IQSEC1: variants seen among roughly 807,000 people sequenced by gnomAD.
IQSEC1 encodes the protein IQ motif and SEC7 domain-containing protein 1.
A neutral mutation model predicts 91.0 loss-of-function variants in IQSEC1; 31 were observed. That is an observed-to-expected ratio of 0.34 (90% CI 0.26 to 0.46). The LOEUF (loss-of-function observed/expected upper bound fraction) is 0.46, where lower values mean the gene tolerates loss of function less well. Among genes scored for constraint, IQSEC1 ranks in the 20% least tolerant of loss-of-function variants. The pLI, the probability that IQSEC1 is intolerant of heterozygous loss-of-function variation, is 1.00. For synonymous variants in IQSEC1, 699 were observed against 662.6 expected (o/e 1.05, Z -0.84); for missense variants, 1,388 against 1,575.6 (o/e 0.88, Z 2.02).
intron 1 of IQSEC1, among the ~76,000 whole-genome samples, chr3:13,227,392 A>AAAG (rs1694773598): frequency 6.7e-6 from 1 of 149,982 alleles, no homozygotes; most frequent in African/African-American, 2.5e-5. Context: ...AAAAAAAAAA[A>AAAG]AAAAGAAAGA....
intron 2 of IQSEC1, among the ~76,000 whole-genome samples, chr3:13,159,663 C>T (rs1239995731): frequency 6.6e-6 from 1 of 152,114 alleles, no homozygotes; most frequent in Non-Finnish European, 1.5e-5. Flanking sequence ...TAATAACTCT[C>T]TTACAAGGGT....
rs559572395 is a variant in IQSEC1, at chr3:13,134,962, C to A, written c.302+29142G>T. ...GTCCTACACTCTGCAAGGGGGATCA[C>A]CCCATGAGGACTGGGGAATCTGACC... On this transcript the variant is annotated intron_variant, in intron 2 of 15. Transcript: ENST00000648114. 3.9e-5 allele frequency among the ~76,000 whole-genome samples: 6 copies of A among 152,208 alleles called. No individual in the cohort carries two copies. The South Asian group carries it at 1.2e-3, about 32-fold the overall frequency.
rs184348429 is a variant in IQSEC1 at position 12,935,014 on chromosome 3, C to T, written c.1568+434G>A. On this transcript the variant is annotated intron_variant, in intron 3 of 13. Transcript: ENST00000613206. The surrounding 1 kb of genome is among the most constrained non-coding windows in gnomAD (Gnocchi z 8.0). Reference sequence around the variant, plus strand: ...CCCCACAAGACACAGCCCTGGGTCTCGCCTGTCTGCCCCTGCCCCCCACTG... The same window carrying T: ...CCCCACAAGACACAGCCCTGGGTCTTGCCTGTCTGCCCCTGCCCCCCACTG... 1.5e-3 allele frequency among the ~76,000 whole-genome samples: 228 copies of T among 152,216 alleles called. No individual in the cohort carries two copies. Among genetic ancestry groups the T allele is most frequent in the African/African-American group, 4.9e-3 (204 of 41,520 alleles).
chr3:13,001,249 C>T (rs1181110311), intron 1 of IQSEC1, among the ~76,000 whole-genome samples: 2 of 152,128 alleles, frequency 1.3e-5, no homozygotes, highest in African/African-American at 4.8e-5. Flanking sequence ...GCATGAGCCA[C>T]CATGCCCGAT....
intron 1 of IQSEC1, among the ~76,000 whole-genome samples, chr3:13,201,279 C>G (rs771251753): frequency 2.0e-5 from 3 of 152,192 alleles, no homozygotes; most frequent in Non-Finnish European, 4.4e-5. Context: ...TGTGCTGTTT[C>G]CAAGCTGGGC....
At chr3:13,199,065 T>C (rs372554418) in intron 1 of IQSEC1, among the ~76,000 whole-genome samples, 2 of 152,176 alleles carry the variant, frequency 1.3e-5, no homozygotes, top group African/African-American at 4.8e-5. Context: ...CAGTCACTCC[T>C]GCATTCAGCC....
intron 1 of IQSEC1, among the ~76,000 whole-genome samples, chr3:12,971,275 A>C (rs1418025555): frequency 9.2e-5 from 14 of 152,220 alleles, no homozygotes; most frequent in Admixed American, 9.2e-4. Context: ...GGGGGAAGAC[A>C]GTGACTGAAA....
At chr3:13,010,216 T>TG in intron 1 of IQSEC1, among the ~76,000 whole-genome samples, 2 of 152,306 alleles carry the variant, frequency 1.3e-5, no homozygotes, top group Admixed American at 1.3e-4. Context: ...GTCGCAATGG[T>TG]GGATGCAGGA....
intron 2 of IQSEC1, among the ~76,000 whole-genome samples, chr3:13,143,439 C>T (rs1306421996): frequency 1.3e-5 from 2 of 152,190 alleles, no homozygotes; most frequent in Admixed American, 6.5e-5. Flanking sequence ...AAAGTATGCA[C>T]ATCCAGGAAG....
At chr3:12,905,343 G>A (rs991204143) in intron 12 of IQSEC1, among the ~76,000 whole-genome samples, 1 of 152,270 alleles carries the variant, frequency 6.6e-6, no homozygotes, top group Non-Finnish European at 1.5e-5. Context: ...GCCCACCCAG[G>A]ATCCTCGTCC....
At chr3:12,978,280 G>A (rs1701280841) in intron 1 of IQSEC1, among the ~76,000 whole-genome samples, 1 of 152,218 alleles carries the variant, frequency 6.6e-6, no homozygotes, top group African/African-American at 2.4e-5. Flanking sequence ...TGTGTTCCTT[G>A]CACTCCAACA....
chr3:12,903,494 C>G (rs1002160507), intron 12 of IQSEC1, among the ~76,000 whole-genome samples: 2 of 152,202 alleles, frequency 1.3e-5, no homozygotes, highest in Admixed American at 1.3e-4. Flanking sequence ...GTACCACCCC[C>G]CAAAGGGGCC....
At chr3:12,958,119 C>A (rs1700028189) in intron 1 of IQSEC1, among the ~76,000 whole-genome samples, 2 of 152,162 alleles carry the variant, frequency 1.3e-5, no homozygotes, top group Admixed American at 6.5e-5. Context: ...AGCCCACCAC[C>A]CTATCTAACC....
chr3:12,914,423 C>T (rs2125115644), intron 8 of IQSEC1, among the ~76,000 whole-genome samples: 2 of 152,322 alleles, frequency 1.3e-5, no homozygotes, highest in Middle Eastern at 6.8e-3. Context: ...TAGGCCAGGG[C>T]TGCCTGAGTT....
chr3:13,047,484 C>A (rs754641878), intron 1 of IQSEC1: 2 of 985,320 alleles, frequency 2.0e-6, no homozygotes, highest in Admixed American at 6.1e-5. Flanking sequence ...GTACCTGTAG[C>A]GGTCAGTGGA....
At chr3:13,181,448 T>C (rs1693843589) in intron 1 of IQSEC1, among the ~76,000 whole-genome samples, 1 of 152,122 alleles carries the variant, frequency 6.6e-6, no homozygotes, top group Non-Finnish European at 1.5e-5. Flanking sequence ...CAACATGACC[T>C]ACAGACATAT....
intron 1 of IQSEC1, among the ~76,000 whole-genome samples, chr3:13,172,629 C>A (rs1328521005): frequency 2.6e-5 from 4 of 152,214 alleles, no homozygotes. Context: ...GTCCTGACTT[C>A]TTGGTATCAA....
intron 1 of IQSEC1, among the ~76,000 whole-genome samples, chr3:13,174,483 C>A (rs370984410): frequency 6.6e-6 from 1 of 152,146 alleles, no homozygotes; most frequent in African/African-American, 2.4e-5. Flanking sequence ...CCCATCTCAG[C>A]GGGGGCTCCT....
chr3:13,227,920 T>C (rs1327553394), intron 1 of IQSEC1, among the ~76,000 whole-genome samples: 1 of 152,162 alleles, frequency 6.6e-6, no homozygotes, highest in African/African-American at 2.4e-5. Context: ...TCAGCCTGGA[T>C]GCTGCCTCCA....
Sources: allele counts gnomAD v4.1 joint callset (sites outside exome capture counted in the v4.1 genomes callset), GRCh38; gene constraint gnomAD v4.1.1; non-coding constraint Gnocchi (gnomAD v3.1); transcripts MANE v1.5; gene names NCBI Gene and HGNC (gene_info 2026-07-23, HGNC 2026-07-21).